The following SLCO3A1 variants were observed in gnomAD, a reference collection of about 807,000 sequenced individuals.
SLCO3A1 encodes the protein solute carrier organic anion transporter family member 3A1, also known as PGE1 transporter.
SLCO3A1 carries 27 observed loss-of-function variants against 63.1 expected under a neutral mutation model. The observed-to-expected ratio is 0.43, with a 90% CI of 0.32 to 0.59. SLCO3A1 has a LOEUF of 0.59. Ranked by LOEUF, SLCO3A1 falls within the 20% of genes least tolerant of loss-of-function variation. The pLI is 0.09. For synonymous variants in SLCO3A1, 473 were observed against 409.9 expected, an observed-to-expected ratio of 1.15 and a Z score of -1.86; for missense variants, 773 against 945.8, an observed-to-expected ratio of 0.82 and a Z score of 2.40.
At chr15:91,896,431 G>A (rs2151361465) in intron 1 of SLCO3A1, among the ~76,000 whole-genome samples, 1 of 152,380 alleles carries the variant, frequency 6.6e-6, no homozygotes, top group Middle Eastern at 3.4e-3. Flanking sequence ...AGGTTTGGTT[G>A]TGTCCCCATC....
Position 91,875,068 on chromosome 15 carries a change from T to C in SLCO3A1, c.180+20980T>C, listed in dbSNP as rs1159022879. Among the ~76,000 whole-genome samples the C allele has an allele frequency of 6.6e-6, 1 of 152,220 alleles. No individual in the cohort carries two copies. The highest frequency in any genetic ancestry group is 2.4e-5 in the African/African-American group (1 of 41,460). On this transcript the variant is annotated intron_variant, in intron 1 of 9. Transcript: ENST00000318445. This position sits in a 1 kb window ranked among gnomAD's most constrained non-coding sequence, Gnocchi z 4.5. ...CACCACTCCACATGAAACAGACATT[T>C]GCCGCCTTGAAGTTGGCAGACAGTC...
chr15:91,969,459 C>T (rs1900779341), intron 2 of SLCO3A1, among the ~76,000 whole-genome samples: 2 of 152,046 alleles, frequency 1.3e-5, no homozygotes, highest in African/African-American at 2.4e-5. Context: ...GTACGTGCCA[C>T]CATGCCTGGC....
chr15:91,857,044 G>C (rs995678247), intron 1 of SLCO3A1, among the ~76,000 whole-genome samples: 61 of 124,868 alleles, frequency 4.9e-4, no homozygotes, highest in African/African-American at 3.3e-3. Flanking sequence ...GTGTGTGTGT[G>C]TGTGTGTGTG....
chr15:91,931,766 C>T (rs942901983), intron 2 of SLCO3A1, among the ~76,000 whole-genome samples: 31 of 147,374 alleles, frequency 2.1e-4, no homozygotes, highest in Non-Finnish European at 2.5e-4. Flanking sequence ...CCACCGCGCC[C>T]GGCTGGTGTC....
intron 8 of SLCO3A1, among the ~76,000 whole-genome samples, chr15:92,147,711 G>A (rs1393233086): frequency 6.6e-6 from 1 of 152,216 alleles, no homozygotes; most frequent in Non-Finnish European, 1.5e-5. Context: ...GTACAAAGAG[G>A]TTGCTGGAGA....
intron 9 of SLCO3A1, chr15:92,157,056 A>AAT (rs2151599565): frequency 6.6e-6 from 1 of 152,324 alleles, no homozygotes; most frequent in Admixed American, 6.5e-5. Context: ...TATGCATTGA[A>AAT]ATATATATAG....
chr15:91,929,282 A>G (rs972206547), intron 2 of SLCO3A1, among the ~76,000 whole-genome samples: 1 of 152,214 alleles, frequency 6.6e-6, no homozygotes, highest in Admixed American at 6.5e-5. Context: ...TTTGACGTCC[A>G]AGTAGGTGAA....
intron 2 of SLCO3A1, among the ~76,000 whole-genome samples, chr15:92,058,301 A>G (rs140800416): frequency 1.8e-4 from 27 of 152,294 alleles, no homozygotes; most frequent in African/African-American, 6.3e-4. Context: ...TTTAAGGGAA[A>G]GAGGCCTGTC....
chr15:91,857,917 A>AG (rs1433234524), intron 1 of SLCO3A1, among the ~76,000 whole-genome samples: 1 of 152,184 alleles, frequency 6.6e-6, no homozygotes, highest in Non-Finnish European at 1.5e-5. Context: ...CCTGTGAACA[A>AG]GGGGTAGGTA....
chr15:91,925,807 A>G (rs1898993210), intron 2 of SLCO3A1, among the ~76,000 whole-genome samples: 1 of 152,230 alleles, frequency 6.6e-6, no homozygotes, highest in Non-Finnish European at 1.5e-5. Flanking sequence ...AAAGTAGACC[A>G]AGGAAAAGGG....
intron 1 of SLCO3A1, among the ~76,000 whole-genome samples, chr15:91,890,468 G>T (rs565114648): frequency 2.0e-5 from 3 of 152,224 alleles, no homozygotes; most frequent in African/African-American, 7.2e-5. Flanking sequence ...GACTGCCAGA[G>T]CCCTCCCAGT....
intron 2 of SLCO3A1, among the ~76,000 whole-genome samples, chr15:91,926,295 G>A (rs1348656736): frequency 6.6e-6 from 1 of 152,176 alleles, no homozygotes; most frequent in Non-Finnish European, 1.5e-5. Context: ...AAAATAACCT[G>A]TTGGCAGGCT....
chr15:91,863,691 G>T lies in SLCO3A1; in HGVS notation c.180+9603G>T, dbSNP rs1232844342. On this transcript the variant is annotated intron_variant, in intron 1 of 9. Coordinates refer to ENST00000318445, the MANE Select transcript of SLCO3A1 (RefSeq NM_013272.4). The surrounding 1 kb of genome is among the most constrained non-coding windows in gnomAD (Gnocchi z 4.3). ...TATTTTTTTGGCCGGAGTGATGATT[G>T]AGGAGAAGAAACTTAAAGGGAGCCA... is the stretch of plus-strand genomic sequence containing the variant. Among the ~76,000 whole-genome samples, 1 of 152,160 alleles carries T rather than the reference G, an allele frequency of 6.6e-6. No homozygotes were observed. Among genetic ancestry groups the T allele is most frequent in the Non-Finnish European group, 1.5e-5 (1 of 68,028 alleles).
chr15:92,127,136 C>T (rs993922093), intron 6 of SLCO3A1, among the ~76,000 whole-genome samples: 2 of 152,206 alleles, frequency 1.3e-5, no homozygotes, highest in African/African-American at 2.4e-5. Context: ...ACCATGTGCC[C>T]CTCCTTCCCC....
At chr15:92,113,117 C>G (rs562988054) in intron 4 of SLCO3A1, among the ~76,000 whole-genome samples, 7 of 152,310 alleles carry the variant, frequency 4.6e-5, no homozygotes, top group African/African-American at 1.7e-4. Context: ...CATGTTGGGT[C>G]TGAATAAGAC....
Position 91,872,601 on chromosome 15 carries a change from G to A in SLCO3A1, c.180+18513G>A, listed in dbSNP as rs548614310. Among the ~76,000 whole-genome samples the A allele has an allele frequency of 1.3e-5, 2 of 152,212 alleles. No individual in the cohort carries two copies. The highest frequency in any genetic ancestry group is 4.8e-5 in the African/African-American group (2 of 41,554). On this transcript the variant is annotated intron_variant, in intron 1 of 9. Coordinates refer to ENST00000318445, the MANE Select transcript of SLCO3A1 (RefSeq NM_013272.4). This position sits in a 1 kb window ranked among gnomAD's most constrained non-coding sequence, Gnocchi z 4.1. ...CCAAGCCCAAGTTGGCACAGCTAGT[G>A]TTTGATCTTGAGTCTCTTGGTTCCA...
intron 1 of SLCO3A1, chr15:91,888,958 G>C (rs1897797654): frequency 3.6e-6 from 1 of 279,108 alleles, no homozygotes; most frequent in South Asian, 3.4e-5. Context: ...TCGGGGAGCT[G>C]TGATCATGCT....
At chr15:92,135,905 C>T (rs2048051368) in intron 7 of SLCO3A1, among the ~76,000 whole-genome samples, 1 of 152,140 alleles carries the variant, frequency 6.6e-6, no homozygotes, top group Admixed American at 6.5e-5. Flanking sequence ...TGGTGGCATG[C>T]CTCTGTAATC....
intron 1 of SLCO3A1, among the ~76,000 whole-genome samples, chr15:91,895,069 G>A (rs550074527): frequency 2.4e-4 from 36 of 152,316 alleles, no homozygotes; most frequent in African/African-American, 8.7e-4. Flanking sequence ...TTCACAGCCT[G>A]TAGCAGTGTA....
Sources: allele counts gnomAD v4.1 joint callset (sites outside exome capture counted in the v4.1 genomes callset), GRCh38; gene constraint gnomAD v4.1.1; non-coding constraint Gnocchi (gnomAD v3.1); transcripts MANE v1.5; gene names NCBI Gene and HGNC (gene_info 2026-07-23, HGNC 2026-07-21).